Variants in PRKRIP1 observed in about 807,000 individuals in gnomAD.
The protein encoded by PRKRIP1 is PRKR-interacting protein 1.
In PRKRIP1, 29 loss-of-function variants were observed where a neutral mutation model predicts 29.3. That is an observed-to-expected ratio of 0.99 (90% confidence interval 0.74 to 1.35). The LOEUF (loss-of-function observed/expected upper bound fraction) is 1.35. PRKRIP1 is among the 40% of genes most tolerant of loss of function. The pLI is 0.00. For missense variants in PRKRIP1, 247 were observed against 236.8 expected (o/e 1.04, Z -0.28); for synonymous variants, 90 against 85.1 (o/e 1.06, Z -0.32).
At chr7:102,396,606 C>T in intron 1 of PRKRIP1, 69 bp downstream of exon 1, 1 of 1,516,468 alleles carries the variant, frequency 6.6e-7, no homozygotes. Context: ...CTTCAGGGTT[C>T]CCGCAGGTCC....
chr7:102,423,056 C>A, intron 5 of PRKRIP1: 1 of 427,574 alleles, frequency 2.3e-6, no homozygotes, highest in Non-Finnish European at 4.8e-6. Flanking sequence ...CTCCCTTCCA[C>A]AAACATCCAG....
At chr7:102,407,381 A>C in intron 4 of PRKRIP1, 53 bp from the exon 5 acceptor site, 1 of 1,190,970 alleles carries the variant, frequency 8.4e-7, no homozygotes, top group South Asian at 1.3e-5. Flanking sequence ...TTATTTTCTA[A>C]AATATACCAT....
intron 4 of PRKRIP1, 106 bp downstream of exon 4, chr7:102,404,789 CA>C: frequency 1.3e-6 from 1 of 768,720 alleles, no homozygotes; most frequent in Non-Finnish European, 2.2e-6. Context: ...CTGTAGGGGT[CA>C]TGAATGTAGA....
Position 102,407,497 on chromosome 7 carries a change from A to C in PRKRIP1, c.456A>C (p.Glu152Asp). The C allele has an allele frequency of 2.5e-6, 4 of 1,611,368 alleles. No individual in the cohort carries two copies. Among genetic ancestry groups the C allele is most frequent in the Non-Finnish European group, 3.4e-6 (4 of 1,177,500 alleles). The change falls in exon 5 of 6, where the codon GAA becomes GAC. Residue 152 changes from glutamate to aspartate, a missense_variant and splice_region_variant. By Grantham distance (45) the Glu-to-Asp change is conservative. This residue lies in a region of PRKRIP1 where 134 missense variants were observed against 126.6 expected (regional missense o/e 1.06). Transcript: ENST00000397912. The stretch of plus-strand genomic sequence containing the variant: ...TGAAACTTGAACAGAAGAAACAAGA[A>C]GGTGAGTGGTGCCCACTTTTCTTGG... ...KKMKLEQKKQ[E>D]GPGQPKEQGS...
chr7:102,415,141 A>G (rs535935714), intron 5 of PRKRIP1, among the ~76,000 whole-genome samples: 22 of 152,314 alleles, frequency 1.4e-4, no homozygotes, highest in African/African-American at 5.1e-4. Flanking sequence ...GATTGAGTAA[A>G]AAGCCTTACA....
At chr7:102,423,404 G>A (rs1007270133) in intron 5 of PRKRIP1, 3 of 320,118 alleles carry the variant, frequency 9.4e-6, no homozygotes, top group Middle Eastern at 1.1e-3. Flanking sequence ...ATGAGCCACC[G>A]TGCCCGGCGC....
intron 3 of PRKRIP1, among the ~76,000 whole-genome samples, chr7:102,400,516 A>G (rs1423355011): frequency 2.0e-5 from 3 of 151,610 alleles, no homozygotes; most frequent in Admixed American, 1.3e-4. Flanking sequence ...TTTGTGTGAG[A>G]AAAAAAAACT....
intron 5 of PRKRIP1, 28 bp from the exon 6 acceptor site, chr7:102,424,986 C>G (rs781961773): frequency 2.5e-6 from 4 of 1,602,726 alleles, no homozygotes; most frequent in Non-Finnish European, 3.4e-6. Flanking sequence ...TTTTGCATGT[C>G]TGTAATTTGA....
rs112588800 is a variant in PRKRIP1 at position 102,425,472 on chromosome 7, C to A, written c.*361C>A. ...TTGCGTTTTGTTGGGACATGTGGAC[C>A]GTGAGTCGCAAACACTCTGGAGAAG... On this transcript the variant is annotated 3_prime_UTR_variant, in exon 6 of 6. Transcript: ENST00000397912. The A allele has an allele frequency of 3.2e-6, 1 of 313,712 alleles. No individual in the cohort carries two copies. The highest frequency in any genetic ancestry group is 6.1e-6 in the Non-Finnish European group (1 of 164,434). 19.4% of individuals were successfully genotyped at this position (313,712 alleles called of 1,614,324 possible).
In PRKRIP1 at chr7:102,407,446, A is replaced by C. The variant is rs1796263221; in HGVS notation, c.405A>C (p.Lys135Asn). 1.9e-6 allele frequency: 3 copies of C among 1,609,566 alleles called. No individual in the cohort carries two copies. The highest frequency in any genetic ancestry group is 2.6e-6 in the Non-Finnish European group (3 of 1,175,804). ...AKRRKKRQKL[K>N]EKKLLAKKMK... ...TTTACATTTTTAGCCAGAAGTTAAA[A>C]GAGAAGAAATTACTGGCAAAGAAGA... Residue 135 changes from lysine to asparagine, a missense_variant, in exon 5 of 6, where the codon AAA becomes AAC. Lys to Asn is a moderately conservative substitution (Grantham distance 94). Transcript: ENST00000397912.
chr7:102,425,372 A>C lies in PRKRIP1; in HGVS notation c.*261A>C. ...GGGGGACAGAGAGCCTCACCTTGCC[A>C]CATATTTGAACAGTGATGAGTTTGG... On this transcript the variant is annotated 3_prime_UTR_variant, in exon 6 of 6. Transcript: ENST00000397912. 1.8e-6 allele frequency: 1 copy of C among 561,356 alleles called. No individual in the cohort carries two copies. Among genetic ancestry groups the C allele is most frequent in the Non-Finnish European group, 3.1e-6 (1 of 326,942 alleles). The allele number at this position is 561,356 out of a possible 1,614,324, so 34.8% of individuals were successfully genotyped here.
chr7:102,407,884 A>AT (rs1241830516), intron 5 of PRKRIP1, among the ~76,000 whole-genome samples: 1 of 152,116 alleles, frequency 6.6e-6, no homozygotes, highest in East Asian at 1.9e-4. Flanking sequence ...AGGAGGGAAA[A>AT]TTGAGAGGAT....
intron 3 of PRKRIP1, among the ~76,000 whole-genome samples, chr7:102,402,768 A>T (rs1292457757): frequency 6.6e-6 from 1 of 151,804 alleles, no homozygotes; most frequent in Non-Finnish European, 1.5e-5. Flanking sequence ...AGTCCCACTC[A>T]CCCCTGCTTG....
rs989585838 is a variant in PRKRIP1 at position 102,411,808 on chromosome 7, T to G, written c.457+4310T>G. On this transcript the variant is annotated intron_variant, in intron 5 of 5. Transcript: ENST00000397912. Reference sequence around the variant, plus strand: ...ATCCTCACCAACACTTATTTTCTGTTTTTTTTTTTGTTTGTTTGTTTTGTT... The same window carrying G: ...ATCCTCACCAACACTTATTTTCTGTGTTTTTTTTTGTTTGTTTGTTTTGTT... Among the ~76,000 whole-genome samples, 23 of 7,334 alleles carry G rather than the reference T, an allele frequency of 3.1e-3. No homozygotes were observed. The East Asian group carries it at 0.3, about 96-fold the overall frequency. 4.8% of individuals were successfully genotyped at this position (7,334 alleles called of 152,430 possible). A position where few individuals can be genotyped will look rare whatever the true frequency, so the allele number is the denominator to read the frequency against.
At chr7:102,414,900 A>G (rs148329100) in intron 5 of PRKRIP1, among the ~76,000 whole-genome samples, 1 of 152,088 alleles carries the variant, frequency 6.6e-6, no homozygotes, top group African/African-American at 2.4e-5. Context: ...AGGAAAAAAA[A>G]AATAATAATA....
At chr7:102,422,438 G>A (rs1184656900) in intron 5 of PRKRIP1, among the ~76,000 whole-genome samples, 10 of 151,518 alleles carry the variant, frequency 6.6e-5, no homozygotes, top group Admixed American at 4.6e-4. Flanking sequence ...TCCCACCCCC[G>A]GTTCAAGCAA....
intron 3 of PRKRIP1, among the ~76,000 whole-genome samples, chr7:102,399,965 C>T (rs10280149): frequency 0.021 from 3,053 of 148,900 alleles, 94 homozygotes; most frequent in African/African-American, 0.071. Context: ...CGTGCCATTG[C>T]ACTCCAGCCT....
intron 5 of PRKRIP1, among the ~76,000 whole-genome samples, chr7:102,417,321 C>T (rs115487747): frequency 1.3e-5 from 2 of 152,042 alleles, no homozygotes; most frequent in African/African-American, 4.8e-5. Context: ...AGAAGAAAGT[C>T]GTTGTGTGCA....
At chr7:102,397,501 G>A (rs1795941070) in intron 1 of PRKRIP1, 119 bp from the exon 2 acceptor site, 3 of 751,110 alleles carry the variant, frequency 4.0e-6, no homozygotes, top group South Asian at 3.4e-5. Flanking sequence ...AGCTCTGATT[G>A]CACCACTGCA....
Sources: gnomAD v4.1 joint callset for allele counts (sites outside exome capture counted in the v4.1 genomes callset) on GRCh38, gnomAD v4.1.1 for gene constraint, gnomAD v4.1.1 regional missense constraint, MANE v1.5 for transcripts, NCBI Gene and HGNC (gene_info 2026-07-23, HGNC 2026-07-21) for gene names.